SERPINA5: variants seen among roughly 807,000 people sequenced by gnomAD.
The protein encoded by SERPINA5 is serpin family A member 5, also known as plasma serine protease inhibitor.
Under a neutral mutation model 25.3 loss-of-function variants are expected in SERPINA5, and 25 were observed. The observed-to-expected ratio is 0.99, with a 90% CI of 0.72 to 1.38. SERPINA5 has a LOEUF of 1.38. SERPINA5 is among the 40% of genes most tolerant of loss of function. The pLI is 0.00. For missense variants in SERPINA5, 599 were observed against 509.5 expected, an observed-to-expected ratio of 1.18 and a Z score of -1.69; for synonymous variants, 234 against 206.2, an observed-to-expected ratio of 1.14 and a Z score of -1.16.
intron 5 of SERPINA5, 71 bp downstream of exon 5, chr14:94,590,967 C>T (rs919867503): frequency 4.8e-6 from 7 of 1,458,456 alleles, no homozygotes; most frequent in African/African-American, 4.2e-5. Flanking sequence ...TTCTACTCTA[C>T]CCCATTTCAT....
chr14:94,584,566 G>A (rs1204543956), intron 2 of SERPINA5, among the ~76,000 whole-genome samples: 1 of 152,136 alleles, frequency 6.6e-6, no homozygotes, highest in African/African-American at 2.4e-5. Context: ...GCGGGGTCTT[G>A]AGGGGGTGTC....
At chr14:94,583,513 C>T (rs1271423248) in intron 2 of SERPINA5, among the ~76,000 whole-genome samples, 1 of 152,206 alleles carries the variant, frequency 6.6e-6, no homozygotes, top group Non-Finnish European at 1.5e-5. Flanking sequence ...GGCTCCAAGC[C>T]TCACATCCCT....
rs549038209 is a variant in SERPINA5 at position 94,589,404 on chromosome 14, C to T, written c.620-637C>T. On this transcript the variant is annotated intron_variant, in intron 3 of 5. Coordinates refer to ENST00000329597, the MANE Select transcript of SERPINA5 (RefSeq NM_000624.6). ...TGGGGGCTGTAGTGAGCCAAAATTGCGCCACTGCACTCCAGCATGGGTCAC... is the reference window on the plus strand; with the variant it reads ...TGGGGGCTGTAGTGAGCCAAAATTGTGCCACTGCACTCCAGCATGGGTCAC... 5.9e-5 allele frequency among the ~76,000 whole-genome samples: 9 copies of T among 151,344 alleles called. No homozygotes were observed. The East Asian group carries it at 7.8e-4, about 13-fold the overall frequency.
intron 2 of SERPINA5, among the ~76,000 whole-genome samples, chr14:94,585,222 G>A (rs988687756): frequency 2.0e-5 from 3 of 152,210 alleles, no homozygotes; most frequent in African/African-American, 7.2e-5. Context: ...CTAGCAGCAA[G>A]ATGTACCTTT....
In SERPINA5 at chr14:94,585,796, T is replaced by TGTGTGTGTGC. The variant is rs1301524878; in HGVS notation, c.-17-1542_-17-1541insGCGTGTGTGT. ...GTGTGTGTGTGTGTGTGTGTGTGTG[T>TGTGTGTGTGC]GTGTGTGTAAAGCATGTACCCTATG... On this transcript the variant is annotated intron_variant, in intron 2 of 5. Coordinates refer to ENST00000329597, the MANE Select transcript of SERPINA5 (RefSeq NM_000624.6). Among the ~76,000 whole-genome samples, 666 of 132,694 alleles carry TGTGTGTGTGC rather than the reference T, an allele frequency of 5.0e-3. 3 individuals are homozygous for TGTGTGTGTGC. The highest frequency in any genetic ancestry group is 0.04 in the Middle Eastern group (10 of 252). 87.1% of individuals were successfully genotyped at this position (132,694 alleles called of 152,430 possible). A position where few individuals can be genotyped will look rare whatever the true frequency, so the allele number is the denominator to read the frequency against.
chr14:94,592,401 A>T lies in SERPINA5; in HGVS notation c.*162A>T, dbSNP rs1019037229. On this transcript the variant is annotated 3_prime_UTR_variant, in exon 6 of 6. Coordinates refer to ENST00000329597, the MANE Select transcript of SERPINA5 (RefSeq NM_000624.6). The stretch of plus-strand genomic sequence containing the variant: ...TATGATGATTGCTTCCACCCACACG[A>T]CTGCAACATACAGGTGCCTTGGGGA... 6.0e-6 allele frequency: 4 copies of T among 663,930 alleles called. No homozygotes were observed. The highest frequency in any genetic ancestry group is 1.8e-5 in the African/African-American group (1 of 55,204). The allele number at this position is 663,930 out of a possible 1,614,324, so 41.1% of individuals were successfully genotyped here.
chr14:94,583,725 C>T (rs577649501), intron 2 of SERPINA5, among the ~76,000 whole-genome samples: 19 of 152,338 alleles, frequency 1.2e-4, no homozygotes, highest in African/African-American at 3.8e-4. Context: ...CACCTCAATT[C>T]ACCTTGGCCT....
chr14:94,592,353 A>T lies in SERPINA5; in HGVS notation c.*114A>T, dbSNP rs1000427980. The stretch of plus-strand genomic sequence containing the variant: ...TTTACACAGGTTTAGTTGACTAATG[A>T]GGCATTACAAATAATATTACTCTAT... On this transcript the variant is annotated 3_prime_UTR_variant, in exon 6 of 6. Transcript: ENST00000329597. The T allele has an allele frequency of 4.1e-5, 41 of 1,011,816 alleles. No individual in the cohort carries two copies. In the Admixed American group the frequency reaches 1.0e-3, roughly 25 times the overall value. The allele number at this position is 1,011,816 out of a possible 1,614,324, so 62.7% of individuals were successfully genotyped here.
At chr14:94,584,100 G>T (rs1374973490) in intron 2 of SERPINA5, among the ~76,000 whole-genome samples, 1 of 152,194 alleles carries the variant, frequency 6.6e-6, no homozygotes, top group Admixed American at 6.5e-5. Context: ...ACCGCCTGGG[G>T]ATACCAGGAG....
At chr14:94,582,447 T>C (rs943039021) in intron 2 of SERPINA5, 10 of 152,238 alleles carry the variant, frequency 6.6e-5, no homozygotes, top group Non-Finnish European at 1.2e-4. Context: ...ACTTTATGAA[T>C]AGCAGTCATG....
intron 3 of SERPINA5, among the ~76,000 whole-genome samples, 156 bp downstream of exon 3, chr14:94,588,137 A>G (rs1392535675): frequency 6.6e-6 from 1 of 152,198 alleles, no homozygotes; most frequent in African/African-American, 2.4e-5. Context: ...CAGCCAGAGA[A>G]GGTAAGATGA....
Position 94,587,357 on chromosome 14 carries a change from G to A in SERPINA5, c.-6G>A. The stretch of plus-strand genomic sequence containing the variant: ...TCTTTCCCTTTCAGAACAAAGAACA[G>A]CCACCATGCAGCTCTTCCTCCTCTT... On this transcript the variant is annotated 5_prime_UTR_variant, in exon 3 of 6. Transcript: ENST00000329597. 1 of 1,596,056 alleles carries A rather than the reference G, an allele frequency of 6.3e-7. No homozygotes were observed. The highest frequency in any genetic ancestry group is 8.5e-7 in the Non-Finnish European group (1 of 1,172,892).
chr14:94,581,944 G>C (rs1884933159), intron 2 of SERPINA5: 1 of 152,242 alleles, frequency 6.6e-6, no homozygotes, highest in African/African-American at 2.4e-5. Flanking sequence ...TCAAGGTTGA[G>C]AGACCCTGAA....
intron 2 of SERPINA5, among the ~76,000 whole-genome samples, chr14:94,585,182 A>G (rs1401761612): frequency 6.6e-6 from 1 of 152,160 alleles, no homozygotes; most frequent in East Asian, 1.9e-4. Context: ...CATCTCTCTG[A>G]ACCTCGGATT....
intron 3 of SERPINA5, 141 bp downstream of exon 3, chr14:94,588,122 A>G: frequency 9.4e-7 from 1 of 1,069,506 alleles, no homozygotes; most frequent in Non-Finnish European, 1.4e-6. Context: ...AATTAAGTAA[A>G]CAAGCAGCCA....
At chr14:94,585,169 C>T (rs1885035142) in intron 2 of SERPINA5, among the ~76,000 whole-genome samples, 1 of 152,202 alleles carries the variant, frequency 6.6e-6, no homozygotes, top group African/African-American at 2.4e-5. Context: ...TAGCAAGCGA[C>T]TCCATCTCTC....
Position 94,587,608 on chromosome 14 carries a change from G to A in SERPINA5, c.246G>A (p.Gly82=), listed in dbSNP as rs532960582. Residue 82 remains glycine, a synonymous_variant, in exon 3 of 6, where the codon GGG becomes GGA. Transcript: ENST00000329597. ...ISMSLAMLSL[G]AGSSTKMQIL... is the part of the protein sequence containing the mutation. ...TGAGCCTGGCCATGCTCTCCCTGGG[G>A]GCTGGGTCCAGCACAAAGATGCAGA... The A allele has an allele frequency of 1.2e-6, 2 of 1,614,088 alleles. No individual in the cohort carries two copies. The highest frequency in any genetic ancestry group is 1.7e-6 in the Non-Finnish European group (2 of 1,179,978).
At chr14:94,587,264 AGT>A in intron 2 of SERPINA5, 80 bp from the exon 3 acceptor site, 1 of 1,228,446 alleles carries the variant, frequency 8.1e-7, no homozygotes, top group Non-Finnish European at 1.1e-6. Flanking sequence ...ATACCCATTG[AGT>A]GTTGGGTGGG....
intron 5 of SERPINA5, among the ~76,000 whole-genome samples, chr14:94,591,807 T>C (rs190716499): frequency 3.3e-5 from 5 of 152,252 alleles, no homozygotes; most frequent in Admixed American, 3.3e-4. Flanking sequence ...CTTTCTCTCT[T>C]CTATAAAATT....
Sources: gnomAD v4.1 joint callset for allele counts (sites outside exome capture counted in the v4.1 genomes callset) on GRCh38, gnomAD v4.1.1 for gene constraint, MANE v1.5 for transcripts, NCBI Gene and HGNC (gene_info 2026-07-23, HGNC 2026-07-21) for gene names.